Variants in NR3C2 observed in about 807,000 individuals in gnomAD.
NR3C2 encodes the protein nuclear receptor subfamily 3 group C member 2.
Under a neutral mutation model 86.4 loss-of-function variants are expected in NR3C2, and 15 were observed. That is an observed-to-expected ratio of 0.17 (90% CI 0.12 to 0.27). The LOEUF (loss-of-function observed/expected upper bound fraction) is 0.27, where lower values mean the gene tolerates loss of function less well. NR3C2 is among the 10% of genes least tolerant of loss of function. NR3C2 has a pLI of 1.00. For missense variants in NR3C2, 960 were observed against 1,195.6 expected (o/e 0.80, Z 2.91); for synonymous variants, 458 against 450.5 (o/e 1.02, Z -0.21).
intron 4 of NR3C2, among the ~76,000 whole-genome samples, chr4:148,157,004 A>G (rs1477419586): frequency 6.6e-6 from 1 of 152,040 alleles, no homozygotes; most frequent in Non-Finnish European, 1.5e-5. Flanking sequence ...TGTCCTTTAC[A>G]GGGACATGGA....
At chr4:148,247,355 C>G (rs962074034) in intron 3 of NR3C2, among the ~76,000 whole-genome samples, 7 of 152,120 alleles carry the variant, frequency 4.6e-5, no homozygotes, top group African/African-American at 1.4e-4. Context: ...ACAACTTAGT[C>G]TGATAAAGAA....
intron 3 of NR3C2, among the ~76,000 whole-genome samples, chr4:148,258,737 G>A (rs191740433): frequency 6.6e-6 from 1 of 152,184 alleles, no homozygotes; most frequent in Non-Finnish European, 1.5e-5. Context: ...CTGAGCGAGC[G>A]GGATTGAGTT....
rs138731911 is a variant in NR3C2 at position 148,356,754 on chromosome 4, T to C, written c.1757+78350A>G. On this transcript the variant is annotated intron_variant, in intron 2 of 8. Transcript: ENST00000358102. ...TGTACATAAAAATAAGTCTTGTTAC[T>C]AAAATAAAAATTCACTTTCCCACAA... is the stretch of plus-strand genomic sequence containing the variant. Among the ~76,000 whole-genome samples, 303 of 152,316 alleles carry C rather than the reference T, an allele frequency of 2.0e-3. 2 individuals carry two copies. The highest frequency in any genetic ancestry group is 6.7e-3 in the African/African-American group (277 of 41,564).
chr4:148,215,567 G>T (rs560213607), intron 3 of NR3C2, among the ~76,000 whole-genome samples: 4 of 152,244 alleles, frequency 2.6e-5, no homozygotes, highest in Admixed American at 1.3e-4. Context: ...TAACACTGAG[G>T]TTAAAATAGC....
At chr4:148,107,293 G>A (rs928055550) in intron 8 of NR3C2, among the ~76,000 whole-genome samples, 3 of 152,180 alleles carry the variant, frequency 2.0e-5, no homozygotes, top group Non-Finnish European at 4.4e-5. Context: ...AAACCACGAT[G>A]AGATACCATC....
chr4:148,278,209 G>A (rs1364457395), intron 2 of NR3C2, among the ~76,000 whole-genome samples: 1 of 152,046 alleles, frequency 6.6e-6, no homozygotes, highest in African/African-American at 2.4e-5. Flanking sequence ...CCAGGTTCAA[G>A]AGATTTTCAT....
chr4:148,333,951 T>A (rs138456594), intron 2 of NR3C2, among the ~76,000 whole-genome samples: 23 of 152,286 alleles, frequency 1.5e-4, no homozygotes, highest in African/African-American at 5.5e-4. Context: ...TTATACAAAA[T>A]CTATTTAAAA....
intron 2 of NR3C2, among the ~76,000 whole-genome samples, chr4:148,371,264 T>G (rs1028877233): frequency 6.6e-6 from 1 of 152,170 alleles, no homozygotes; most frequent in Non-Finnish European, 1.5e-5. Context: ...TGCTAGGAAA[T>G]ACTAGGTCTT....
intron 2 of NR3C2, among the ~76,000 whole-genome samples, chr4:148,361,241 A>C (rs1745821037): frequency 6.6e-6 from 1 of 152,226 alleles, no homozygotes; most frequent in African/African-American, 2.4e-5. Context: ...TTGACAGCCC[A>C]CATCAGTTAC....
In NR3C2 at chr4:148,134,641, C is replaced by CTTTTT. The variant is rs1379133428; in HGVS notation, c.2511-14354_2511-14353insAAAAA. ...TCCCTGTGATTCTCTCTCTCTCTCTCTCTTTTTTTTTTTTTTTTTTTTTTT... is the reference window on the plus strand; with the variant it reads ...TCCCTGTGATTCTCTCTCTCTCTCTCTTTTTTCTTTTTTTTTTTTTTTTTTTTTTT... On this transcript the variant is annotated intron_variant, in intron 6 of 8. Transcript: ENST00000358102. Among the ~76,000 whole-genome samples, 65 of 60,956 alleles carry CTTTTT rather than the reference C, an allele frequency of 1.1e-3. 7 individuals carry two copies. The highest frequency in any genetic ancestry group is 4.8e-3 in the East Asian group (6 of 1,262). The allele number at this position is 60,956 out of a possible 152,430, so 40.0% of individuals were successfully genotyped here.
At chr4:148,395,352 G>A (rs1487836970) in intron 2 of NR3C2, among the ~76,000 whole-genome samples, 2 of 152,108 alleles carry the variant, frequency 1.3e-5, no homozygotes, top group African/African-American at 2.4e-5. Context: ...GCAGCAATGA[G>A]ATAAGCCATC....
At chr4:148,284,924 A>T (rs1741439140) in intron 2 of NR3C2, among the ~76,000 whole-genome samples, 1 of 152,202 alleles carries the variant, frequency 6.6e-6, no homozygotes, top group Non-Finnish European at 1.5e-5. Flanking sequence ...TATACAAAAA[A>T]CTCAGGCTAG....
chr4:148,154,814 G>A lies in NR3C2; in HGVS notation c.2102C>T (p.Pro701Leu), dbSNP rs754694314. The A allele has an allele frequency of 1.4e-5, 22 of 1,588,126 alleles. No homozygotes were observed. Among genetic ancestry groups the A allele is most frequent in the East Asian group, 4.5e-5 (2 of 44,176 alleles). Residue 701 changes from proline (P) to leucine (L), a missense_variant, in exon 5 of 9, where the codon CCG becomes CTG. Pro to Leu is a moderately conservative substitution (Grantham distance 98, BLOSUM62 -3). Around this residue, in one of 4 missense-constraint regions of NR3C2, gnomAD observed 82 missense variants for 73.0 expected, o/e 1.12. Transcript: ENST00000358102. ...QQQPPPPPPP[P>L]QSPEEGTTYI... ...CGTTGTCCCTTCCTCTGGGCTTTGC[G>A]GGGGTGGGGGTGGGGGTGGGGGCTG...
chr4:148,412,392 A>G (rs1369622309), intron 2 of NR3C2, among the ~76,000 whole-genome samples: 1 of 152,220 alleles, frequency 6.6e-6, no homozygotes, highest in African/African-American at 2.4e-5. Flanking sequence ...GACTGAAACT[A>G]TATTAGAATA....
chr4:148,243,586 C>T (rs1260174777), intron 3 of NR3C2, among the ~76,000 whole-genome samples: 1 of 152,114 alleles, frequency 6.6e-6, no homozygotes, highest in African/African-American at 2.4e-5. Context: ...TATTATATGC[C>T]ACTTGGAGAC....
chr4:148,340,808 C>T (rs62333586), intron 2 of NR3C2, among the ~76,000 whole-genome samples: 21,955 of 152,000 alleles, frequency 0.14, 1,736 homozygotes, highest in South Asian at 0.27. Context: ...TTCAAATGGA[C>T]AAAACATTTG....
intron 2 of NR3C2, among the ~76,000 whole-genome samples, chr4:148,387,152 T>C (rs1232659978): frequency 6.6e-6 from 1 of 152,264 alleles, no homozygotes; most frequent in Non-Finnish European, 1.5e-5. Flanking sequence ...TTGACTTTTC[T>C]TTCCTGCAGA....
At chr4:148,291,499 A>G (rs1174444324) in intron 2 of NR3C2, among the ~76,000 whole-genome samples, 2 of 152,122 alleles carry the variant, frequency 1.3e-5, no homozygotes, top group East Asian at 1.9e-4. Context: ...TCCTCTTACT[A>G]TCAGTATGTC....
At chr4:148,152,383 C>T (rs527864828) in intron 6 of NR3C2, 86 bp downstream of exon 6, 65 of 1,450,762 alleles carry the variant, frequency 4.5e-5, no homozygotes, top group African/African-American at 8.4e-5. Context: ...CTTTCACCAA[C>T]GTACATCTGT....
Sources: allele counts gnomAD v4.1 joint callset (sites outside exome capture counted in the v4.1 genomes callset), GRCh38; gene constraint gnomAD v4.1.1; regional missense constraint gnomAD v4.1.1; transcripts MANE v1.5; gene names NCBI Gene and HGNC (gene_info 2026-07-23, HGNC 2026-07-21).